PCDHGA9: variants seen among roughly 807,000 people sequenced by gnomAD.
The protein encoded by PCDHGA9 is protocadherin gamma-A9.
Under a neutral mutation model 62.5 loss-of-function variants are expected in PCDHGA9, and 37 were observed. The observed-to-expected ratio is 0.59, with a 90% CI of 0.46 to 0.78. PCDHGA9 has a LOEUF of 0.78. Ranked by LOEUF, PCDHGA9 falls within the 30% of genes least tolerant of loss-of-function variation. The probability of loss-of-function intolerance (pLI) is 0.00; values close to 1 mark genes in which losing one functional copy is unlikely to be tolerated. For synonymous variants in PCDHGA9, 459 were observed against 484.6 expected, an observed-to-expected ratio of 0.95 and a Z score of 0.69; for missense variants, 1,138 against 1,166.2, an observed-to-expected ratio of 0.98 and a Z score of 0.35.
intron 1 of PCDHGA9, chr5:141,415,035 C>G (rs368588973): frequency 5.6e-6 from 9 of 1,613,578 alleles, no homozygotes; most frequent in South Asian, 1.1e-5. Context: ...AGCCGGGACT[C>G]TTCGCGGTGG....
In PCDHGA9 at chr5:141,409,580, C is replaced by T. The variant is rs969743613; in HGVS notation, c.2424+4204C>T. The T allele has an allele frequency of 3.7e-6, 6 of 1,613,922 alleles. No homozygotes were observed. The Admixed American group carries it at 8.3e-5, about 22-fold the overall frequency. The stretch of plus-strand genomic sequence containing the variant: ...TTTCGACCAGACGTCCTACGTGGTC[C>T]ACGTGGCCGAGAACAACCCGCCAGG... On this transcript the variant is annotated intron_variant, in intron 1 of 3. Transcript: ENST00000573521.
chr5:141,463,208 C>G (rs895284460), intron 1 of PCDHGA9, among the ~76,000 whole-genome samples: 1 of 152,090 alleles, frequency 6.6e-6, no homozygotes, highest in African/African-American at 2.4e-5. Flanking sequence ...CTTGGGGATC[C>G]ATATTAATAT....
rs2094434764 is a variant in PCDHGA9 at position 141,403,616 on chromosome 5, C to T, written c.664C>T (p.Arg222Cys). The T allele has an allele frequency of 6.2e-7, 1 of 1,613,774 alleles. No individual in the cohort carries two copies. Among genetic ancestry groups the T allele is most frequent in the South Asian group, 1.1e-5 (1 of 91,088 alleles). The change falls in exon 1 of 4, where the codon CGC becomes TGC. Residue 222 changes from arginine to cysteine, a missense_variant. Physicochemically the swap from Arg to Cys is radical, Grantham distance 180. Coordinates refer to ENST00000573521, the MANE Select transcript of PCDHGA9 (RefSeq NM_018921.3). ...LTASDGGEPR[R>C]SSTVRIHVTV... Reference sequence around the variant, plus strand: ...GGCCTCGGATGGCGGCGAGCCGCGTCGCTCCAGCACAGTGCGCATCCATGT... The same window carrying T: ...GGCCTCGGATGGCGGCGAGCCGCGTTGCTCCAGCACAGTGCGCATCCATGT...
chr5:141,408,053 TC>T, intron 1 of PCDHGA9: 1 of 1,288,090 alleles, frequency 7.8e-7, no homozygotes, highest in South Asian at 1.6e-5. Context: ...ACACAGAGCC[TC>T]CCGGCTGCGC....
chr5:141,471,254 T>A (rs1043647138), intron 1 of PCDHGA9: 1 of 151,828 alleles, frequency 6.6e-6, no homozygotes, highest in African/African-American at 2.4e-5. Flanking sequence ...TTTCACCATG[T>A]TGGCAAGGCT....
chr5:141,477,817 C>G lies in PCDHGA9; in HGVS notation c.2425-16990C>G, dbSNP rs1593824080. 2 of 1,614,138 alleles carry G rather than the reference C, an allele frequency of 1.2e-6. No individual in the cohort carries two copies. The highest frequency in any genetic ancestry group is 8.5e-7 in the Non-Finnish European group (1 of 1,180,038). ...ATCGCAATGACAATGCCCCCCAGGT[C>G]CTATATCCTCGGCCAGGTGGGAGCT... is the stretch of plus-strand genomic sequence containing the variant. On this transcript the variant is annotated intron_variant, in intron 1 of 3. Coordinates refer to ENST00000573521, the MANE Select transcript of PCDHGA9 (RefSeq NM_018921.3). This position sits in a 1 kb window ranked among gnomAD's most constrained non-coding sequence, Gnocchi z 4.9.
At chr5:141,481,913 C>CAAAAAA (rs34114744) in intron 1 of PCDHGA9, among the ~76,000 whole-genome samples, 2 of 90,846 alleles carry the variant, frequency 2.2e-5, no homozygotes, top group Non-Finnish European at 4.4e-5. Flanking sequence ...AACTCCATCT[C>CAAAAAA]AAAAAAAAAA....
At chr5:141,420,530 A>G (rs1038635436) in intron 1 of PCDHGA9, 9 of 336,858 alleles carry the variant, frequency 2.7e-5, no homozygotes, top group African/African-American at 6.4e-5. Flanking sequence ...CCTTTCGGTT[A>G]AAAATATAAA....
chr5:141,444,152 A>ATTTTTTTTT (rs747671382), intron 1 of PCDHGA9, among the ~76,000 whole-genome samples: 2 of 33,898 alleles, frequency 5.9e-5, no homozygotes, highest in Non-Finnish European at 5.2e-5. Context: ...TGTGTACTGG[A>ATTTTTTTTT]TTTTTTTTTT....
rs1286991812 is a variant in PCDHGA9 at position 141,432,170 on chromosome 5, C to T, written c.2424+26794C>T. The T allele has an allele frequency of 1.2e-6, 2 of 1,614,072 alleles. No homozygotes were observed. The highest frequency in any genetic ancestry group is 1.7e-6 in the Non-Finnish European group (2 of 1,180,036). ...AGAGAACAATCCCAGAGGAGTTTCC[C>T]TCGTCTCTGTGACCGCCCACGACCC... On this transcript the variant is annotated intron_variant, in intron 1 of 3. Coordinates refer to ENST00000573521, the MANE Select transcript of PCDHGA9 (RefSeq NM_018921.3). This position sits in a 1 kb window ranked among gnomAD's most constrained non-coding sequence, Gnocchi z 6.0.
chr5:141,478,520 G>A, intron 1 of PCDHGA9: 1 of 1,610,510 alleles, frequency 6.2e-7, no homozygotes, highest in Non-Finnish European at 8.5e-7. Context: ...GCAGGTGTTG[G>A]GTGCAGAGAG....
Position 141,403,027 on chromosome 5 carries a change from G to A in PCDHGA9, c.75G>A (p.Glu25=). 6.2e-7 allele frequency: 1 copy of A among 1,614,070 alleles called. No individual in the cohort carries two copies. Among genetic ancestry groups the A allele is most frequent in the East Asian group, 2.2e-5 (1 of 44,888 alleles). ...LLCSLLGMLW[E]ARASQIRYSV... ...GCTCGCTCCTGGGGATGCTATGGGA[G>A]GCCAGGGCCAGTCAGATTCGCTACT... is the stretch of plus-strand genomic sequence containing the variant. The change falls in exon 1 of 4, where the codon GAG becomes GAA. Residue 25 remains glutamate, a synonymous_variant. Transcript: ENST00000573521.
In PCDHGA9 at chr5:141,415,740, GTTTTTTTTTT is replaced by G. The variant is rs57426385; in HGVS notation, c.2424+10387_2424+10396del. The G allele has an allele frequency of 4.3e-3, 2,655 of 623,934 alleles. 2 individuals carry two copies. The highest frequency in any genetic ancestry group is 4.3e-3 in the Non-Finnish European group (2,016 of 468,394). The allele number at this position is 623,934 out of a possible 1,614,324, so 38.6% of individuals were successfully genotyped here. ...TGAGTAGAATTTGATGTTTATTAAG[GTTTTTTTTTT>G]TTTTTTTTTTTTTTTTTTTTTTACT... On this transcript the variant is annotated intron_variant, in intron 1 of 3. Coordinates refer to ENST00000573521, the MANE Select transcript of PCDHGA9 (RefSeq NM_018921.3).
chr5:141,421,782 C>A, intron 1 of PCDHGA9: 1 of 1,613,878 alleles, frequency 6.2e-7, no homozygotes, highest in Non-Finnish European at 8.5e-7. Context: ...AACTGCGGGG[C>A]AGAACGGATG....
chr5:141,428,200 G>A (rs1000165985), intron 1 of PCDHGA9: 3 of 1,363,858 alleles, frequency 2.2e-6, no homozygotes, highest in East Asian at 2.3e-5. Flanking sequence ...TCTCTGCGCC[G>A]CTACGCTTCA....
intron 1 of PCDHGA9, among the ~76,000 whole-genome samples, chr5:141,459,544 T>G (rs772982634): frequency 6.6e-6 from 1 of 152,246 alleles, no homozygotes; most frequent in Non-Finnish European, 1.5e-5. Flanking sequence ...TTTTTTTTAT[T>G]TCTCTTGGAT....
In PCDHGA9 at chr5:141,418,521, C is replaced by G. The variant is rs1246716171; in HGVS notation, c.2424+13145C>G. The G allele has an allele frequency of 3.7e-6, 6 of 1,613,840 alleles. No individual in the cohort carries two copies. The Admixed American group carries it at 1.0e-4, about 27-fold the overall frequency. On this transcript the variant is annotated intron_variant, in intron 1 of 3. Coordinates refer to ENST00000573521, the MANE Select transcript of PCDHGA9 (RefSeq NM_018921.3). ...ACCGCCTTAGATGGTGGGGACCCTC[C>G]CCGAAGCGGTACTGCTCAGATAAGA...
At position 141,477,146 on chromosome 5, in the gene PCDHGA9, G is replaced by A. The variant is rs1447966302; in HGVS notation, c.2425-17661G>A. The stretch of plus-strand genomic sequence containing the variant: ...TTGCAAAGTGTTGGTGGAGGTTGTG[G>A]ATGTGAATGACAACGCCCCGGAGAT... On this transcript the variant is annotated intron_variant, in intron 1 of 3. Coordinates refer to ENST00000573521, the MANE Select transcript of PCDHGA9 (RefSeq NM_018921.3). This position sits in a 1 kb window ranked among gnomAD's most constrained non-coding sequence, Gnocchi z 4.9. 1 of 1,614,182 alleles carries A rather than the reference G, an allele frequency of 6.2e-7. No homozygotes were observed. The highest frequency in any genetic ancestry group is 8.5e-7 in the Non-Finnish European group (1 of 1,180,044).
intron 1 of PCDHGA9, among the ~76,000 whole-genome samples, chr5:141,425,114 T>A (rs537694464): frequency 5.9e-5 from 9 of 152,326 alleles, no homozygotes; most frequent in African/African-American, 2.2e-4. Context: ...TGCCTACATT[T>A]TTCTTGAAGT....
Sources: gnomAD v4.1 joint callset for allele counts (sites outside exome capture counted in the v4.1 genomes callset) on GRCh38, gnomAD v4.1.1 for gene constraint, Gnocchi (gnomAD v3.1) non-coding constraint, MANE v1.5 for transcripts, NCBI Gene and HGNC (gene_info 2026-07-23, HGNC 2026-07-21) for gene names.